Variants in SRGAP3 observed in about 807,000 individuals in gnomAD.
SRGAP3 encodes SLIT-ROBO Rho GTPase activating protein 3.
SRGAP3 carries 39 observed loss-of-function variants against 121.1 expected under a neutral mutation model. The observed-to-expected ratio is 0.32, with a 90% confidence interval of 0.25 to 0.42. The LOEUF (loss-of-function observed/expected upper bound fraction) is 0.42. Ranked by LOEUF, SRGAP3 falls within the 10% of genes least tolerant of loss-of-function variation. The probability of loss-of-function intolerance (pLI) is 1.00; values close to 1 mark genes in which losing one functional copy is unlikely to be tolerated. For synonymous variants in SRGAP3, 601 were observed against 570.0 expected, an observed-to-expected ratio of 1.05 and a Z score of -0.77; for missense variants, 1,213 against 1,470.6, an observed-to-expected ratio of 0.82 and a Z score of 2.86.
intron 3 of SRGAP3, among the ~76,000 whole-genome samples, chr3:9,303,653 C>A (rs1443280955): frequency 6.6e-5 from 10 of 152,086 alleles, no homozygotes; most frequent in Admixed American, 6.5e-4. Context: ...TTTATTTAAT[C>A]TTCAAAATAG....
Position 8,984,073 on chromosome 3 carries a change from C to T in SRGAP3, c.*1446G>A, listed in dbSNP as rs776456683. 1.3e-5 allele frequency: 3 copies of T among 231,946 alleles called. No homozygotes were observed. Among genetic ancestry groups the T allele is most frequent in the African/African-American group, 4.4e-5 (2 of 45,252 alleles). The allele number at this position is 231,946 out of a possible 1,614,324, so 14.4% of individuals were successfully genotyped here. A position where few individuals can be genotyped will look rare whatever the true frequency, so the allele number is the denominator to read the frequency against. The stretch of plus-strand genomic sequence containing the variant: ...AAAATGGAATCGAAGGAGAGCGACC[C>T]GGAAGGGCTTTACTTGGCCAAGAGG... On this transcript the variant is annotated 3_prime_UTR_variant, in exon 22 of 22. Coordinates refer to ENST00000383836, the MANE Select transcript of SRGAP3 (RefSeq NM_014850.4).
intron 1 of SRGAP3, among the ~76,000 whole-genome samples, chr3:9,192,190 T>C (rs1332615973): frequency 6.6e-6 from 1 of 152,192 alleles, no homozygotes; most frequent in African/African-American, 2.4e-5. Flanking sequence ...AAGAAAGAAC[T>C]GGCCCTTGAC....
rs1941471228 is a variant in SRGAP3 at position 8,982,545 on chromosome 3, T to G, written c.*2974A>C. 1 of 223,456 alleles carries G rather than the reference T, an allele frequency of 4.5e-6. No individual in the cohort carries two copies. 13.8% of individuals were successfully genotyped at this position (223,456 alleles called of 1,614,324 possible). A position where few individuals can be genotyped will look rare whatever the true frequency, so the allele number is the denominator to read the frequency against. On this transcript the variant is annotated 3_prime_UTR_variant, in exon 22 of 22. Transcript: ENST00000383836. The stretch of plus-strand genomic sequence containing the variant: ...TTTTAAAAATTACAATTTCACATTT[T>G]AACAGTTACTTTCCAGCATTTAAGC...
At chr3:9,226,522 G>A (rs1406918637) in intron 1 of SRGAP3, among the ~76,000 whole-genome samples, 24 of 152,140 alleles carry the variant, frequency 1.6e-4, no homozygotes, top group Admixed American at 1.6e-3. Context: ...AGGTCTTCCA[G>A]ACACTAGACT....
rs1238138662 is a variant in SRGAP3, at chr3:8,982,421, C to T, written c.*3098G>A. The T allele has an allele frequency of 4.5e-6, 1 of 224,516 alleles. No individual in the cohort carries two copies. The highest frequency in any genetic ancestry group is 8.9e-6 in the Non-Finnish European group (1 of 112,326). 13.9% of individuals were successfully genotyped at this position (224,516 alleles called of 1,614,324 possible). The stretch of plus-strand genomic sequence containing the variant: ...TACTAACTAGGTTACTACATTTCCC[C>T]CACACTCACTGTACAGTTAGGTATT... On this transcript the variant is annotated 3_prime_UTR_variant, in exon 22 of 22. Coordinates refer to ENST00000383836, the MANE Select transcript of SRGAP3 (RefSeq NM_014850.4).
At chr3:9,191,055 A>G (rs568339386) in intron 1 of SRGAP3, among the ~76,000 whole-genome samples, 2 of 152,302 alleles carry the variant, frequency 1.3e-5, no homozygotes, top group South Asian at 2.1e-4. Flanking sequence ...ACAGAAAAAA[A>G]AAGAAGTTTC....
chr3:9,008,706 T>G (rs1314878397), intron 18 of SRGAP3, among the ~76,000 whole-genome samples: 1 of 152,160 alleles, frequency 6.6e-6, no homozygotes, highest in Non-Finnish European at 1.5e-5. Context: ...CAGGATGACT[T>G]TAGCCTCTCA....
At chr3:9,306,938 G>A (rs1185730164) in intron 3 of SRGAP3, among the ~76,000 whole-genome samples, 1 of 152,108 alleles carries the variant, frequency 6.6e-6, no homozygotes, top group East Asian at 1.9e-4. Flanking sequence ...ATATTTATGT[G>A]TAATCATTAT....
chr3:9,203,344 T>C (rs994374928), intron 1 of SRGAP3, among the ~76,000 whole-genome samples: 1 of 152,224 alleles, frequency 6.6e-6, no homozygotes, highest in African/African-American at 2.4e-5. Context: ...GGGAAACCAC[T>C]TAACCTCTCT....
intron 2 of SRGAP3, among the ~76,000 whole-genome samples, chr3:9,114,975 G>A (rs1948753211): frequency 6.6e-6 from 1 of 152,230 alleles, no homozygotes; most frequent in Non-Finnish European, 1.5e-5. Context: ...ATCTTTCTAG[G>A]TGAAGACACT....
intron 3 of SRGAP3, among the ~76,000 whole-genome samples, chr3:9,292,254 G>C (rs1954882551): frequency 6.6e-6 from 1 of 152,188 alleles, no homozygotes; most frequent in Non-Finnish European, 1.5e-5. Flanking sequence ...TTGAGTTTCT[G>C]ACTCAGTAGG....
chr3:9,271,385 C>A (rs1208795542), intron 3 of SRGAP3, among the ~76,000 whole-genome samples: 1 of 152,208 alleles, frequency 6.6e-6, no homozygotes, highest in Admixed American at 6.5e-5. Flanking sequence ...GGCTAAAACA[C>A]TCCTCAAGCA....
intron 1 of SRGAP3, among the ~76,000 whole-genome samples, chr3:9,190,912 C>T (rs1267494563): frequency 6.6e-6 from 1 of 152,192 alleles, no homozygotes. Context: ...CCCTTTGTTC[C>T]ACGACCTTGG....
intron 10 of SRGAP3, among the ~76,000 whole-genome samples, chr3:9,044,324 C>A (rs1371353293): frequency 6.6e-6 from 1 of 152,132 alleles, no homozygotes; most frequent in Admixed American, 6.5e-5. Context: ...AATCTGATAA[C>A]CAAGGCAGCT....
At chr3:9,191,646 A>G (rs1951756050) in intron 1 of SRGAP3, among the ~76,000 whole-genome samples, 1 of 152,210 alleles carries the variant, frequency 6.6e-6, no homozygotes, top group Non-Finnish European at 1.5e-5. Context: ...ATGAATGTGC[A>G]AGCTAAATAA....
intron 2 of SRGAP3, among the ~76,000 whole-genome samples, chr3:9,121,773 A>T (rs1949013637): frequency 6.6e-6 from 1 of 152,204 alleles, no homozygotes; most frequent in Admixed American, 6.5e-5. Context: ...AAGAGAGCTG[A>T]TTCCTAATCA....
chr3:8,989,979 A>G (rs1941941680), intron 21 of SRGAP3, among the ~76,000 whole-genome samples: 1 of 152,198 alleles, frequency 6.6e-6, no homozygotes, highest in Non-Finnish European at 1.5e-5. Context: ...AAGGCACCCA[A>G]CCAAACAACT....
At chr3:9,262,958 C>CACATAATTGGAAGTAAA (rs1481076254) in intron 3 of SRGAP3, among the ~76,000 whole-genome samples, 2 of 152,086 alleles carry the variant, frequency 1.3e-5, no homozygotes, top group East Asian at 3.8e-4. Flanking sequence ...TAAAATTGAC[C>CACATAATTGGAAGTAAA]ACATAATTGG....
At chr3:9,170,741 A>G (rs1411310501) in intron 1 of SRGAP3, among the ~76,000 whole-genome samples, 1 of 152,224 alleles carries the variant, frequency 6.6e-6, no homozygotes, top group Non-Finnish European at 1.5e-5. Flanking sequence ...TCTGAGGCCC[A>G]AGGAGGTGAG....
Sources: allele counts gnomAD v4.1 joint callset (sites outside exome capture counted in the v4.1 genomes callset), GRCh38; gene constraint gnomAD v4.1.1; transcripts MANE v1.5; gene names NCBI Gene and HGNC (gene_info 2026-07-23, HGNC 2026-07-21).